NEXMIF: variants seen among roughly 807,000 people sequenced by gnomAD.
NEXMIF encodes XLMR protein related to neurite extension.
Under a neutral mutation model 62.1 loss-of-function variants are expected in NEXMIF, and 8 were observed. That is an observed-to-expected ratio of 0.13 (90% confidence interval 0.08 to 0.23). The LOEUF (loss-of-function observed/expected upper bound fraction) is 0.23, where lower values mean the gene tolerates loss of function less well. Among genes scored for constraint, NEXMIF ranks in the 10% least tolerant of loss-of-function variants. The pLI, the probability that NEXMIF is intolerant of heterozygous loss-of-function variation, is 1.00. For missense variants in NEXMIF, 976 were observed against 1,113.3 expected (o/e 0.88, Z 1.75); for synonymous variants, 404 against 416.6 (o/e 0.97, Z 0.37).
At chrX:74,893,873 T>A (rs181772011) in intron 1 of NEXMIF, among the ~76,000 whole-genome samples, 1 of 112,248 alleles carries the variant, frequency 8.9e-6, no homozygotes, top group African/African-American at 3.2e-5. Context: ...GGGAAGAGTA[T>A]GTTAATTCAA....
intron 1 of NEXMIF, among the ~76,000 whole-genome samples, chrX:74,899,153 G>A (rs2080741305): frequency 9.0e-6 from 1 of 111,289 alleles, no homozygotes; most frequent in Admixed American, 9.6e-5. Flanking sequence ...TACTTTCCTC[G>A]ACAATCAGGA....
At chrX:74,855,284 T>C (rs530174822) in intron 1 of NEXMIF, among the ~76,000 whole-genome samples, 1 of 112,248 alleles carries the variant, frequency 8.9e-6, no homozygotes, top group South Asian at 3.7e-4. Context: ...AACTGATTTC[T>C]ATGAAGGCAC....
chrX:74,855,066 C>T (rs958986696), intron 1 of NEXMIF, among the ~76,000 whole-genome samples: 33 of 111,134 alleles, frequency 3.0e-4, no homozygotes, highest in African/African-American at 1.0e-3. Context: ...GGAAAAAAAA[C>T]CCTAAAATTT....
At chrX:74,780,558 C>G (rs185261550) in intron 1 of NEXMIF, among the ~76,000 whole-genome samples, 1,238 of 105,906 alleles carry the variant, frequency 0.012, 66 homozygotes, top group Admixed American at 0.11. Context: ...TGTATTTTCT[C>G]TAGAGATGGG....
At chrX:74,824,413 GT>G (rs892935436) in intron 1 of NEXMIF, among the ~76,000 whole-genome samples, 1 of 111,462 alleles carries the variant, frequency 9.0e-6, no homozygotes, top group African/African-American at 3.3e-5. Flanking sequence ...ATAACTCCAG[GT>G]TCATCTATGT....
intron 1 of NEXMIF, among the ~76,000 whole-genome samples, chrX:74,878,033 G>T (rs2080644572): frequency 8.9e-6 from 1 of 112,114 alleles, no homozygotes; most frequent in South Asian, 3.7e-4. Context: ...TGCTGGTGAG[G>T]AACTGTGTTC....
In NEXMIF at chrX:74,743,138, G is replaced by C. The variant is rs2080113134; in HGVS notation, c.1419C>G (p.Ser473=). Reference sequence around the variant, plus strand: ...CTCGCAGCCCATAGTTCTGTTGGGAGGAGGAGCTGCCAGAATTAGTGTCCC... The same window carrying C: ...CTCGCAGCCCATAGTTCTGTTGGGACGAGGAGCTGCCAGAATTAGTGTCCC... ...MARDTNSGSS[S]SQQNYGLRAK... The change falls in exon 3 of 4, where the codon TCC becomes TCG. Residue 473 remains serine, a synonymous_variant. Transcript: ENST00000055682. 1 of 1,208,591 alleles carries C rather than the reference G, an allele frequency of 8.3e-7. No individual in the cohort carries two copies. Among genetic ancestry groups the C allele is most frequent in the Non-Finnish European group, 1.1e-6 (1 of 894,911 alleles).
chrX:74,878,417 C>T (rs776395753), intron 1 of NEXMIF, among the ~76,000 whole-genome samples: 9 of 112,460 alleles, frequency 8.0e-5, no homozygotes, highest in East Asian at 5.6e-4. Flanking sequence ...ACATTTAAGT[C>T]GGCAGAGGTT....
chrX:74,749,829 A>T (rs1183050933), intron 1 of NEXMIF, among the ~76,000 whole-genome samples: 2 of 111,199 alleles, frequency 1.8e-5, no homozygotes, highest in African/African-American at 6.5e-5. Context: ...AACACCCCCA[A>T]CTCCACAGGG....
intron 1 of NEXMIF, among the ~76,000 whole-genome samples, chrX:74,886,206 A>G (rs2080692379): frequency 8.9e-6 from 1 of 111,876 alleles, no homozygotes; most frequent in Admixed American, 9.5e-5. Context: ...TGAATGGACA[A>G]AAACTGGAAG....
intron 1 of NEXMIF, among the ~76,000 whole-genome samples, chrX:74,787,537 A>G (rs2080265060): frequency 9.0e-6 from 1 of 111,699 alleles, no homozygotes; most frequent in African/African-American, 3.3e-5. Flanking sequence ...ATTACAAACC[A>G]TTGCATGTGT....
At position 74,817,023 on chromosome X, in the gene NEXMIF, C is replaced by T. The variant is rs779683131; in HGVS notation, c.-47-71326G>A. Among the ~76,000 whole-genome samples the T allele has an allele frequency of 4.5e-5, 5 of 112,118 alleles. No individual in the cohort carries two copies. In the South Asian group the frequency reaches 1.1e-3, roughly 25 times the overall value. ...TATACTATTGATTCTTATTCATCCACTCACCCTATTTTGTCTTCGTTTGCA... is the reference window on the plus strand; with the variant it reads ...TATACTATTGATTCTTATTCATCCATTCACCCTATTTTGTCTTCGTTTGCA... On this transcript the variant is annotated intron_variant, in intron 1 of 3. Coordinates refer to ENST00000055682, the MANE Select transcript of NEXMIF (RefSeq NM_001008537.3).
intron 1 of NEXMIF, among the ~76,000 whole-genome samples, chrX:74,877,340 A>T (rs1457675020): frequency 8.9e-6 from 1 of 111,824 alleles, no homozygotes; most frequent in African/African-American, 3.3e-5. Flanking sequence ...TCTGGCTTGT[A>T]GAGTTTCTGC....
chrX:74,767,029 G>A (rs1301427855), intron 1 of NEXMIF, among the ~76,000 whole-genome samples: 1 of 112,262 alleles, frequency 8.9e-6, no homozygotes, highest in Non-Finnish European at 1.9e-5. Context: ...GTCCAGACCA[G>A]TCTTTAGTCC....
chrX:74,821,998 G>A (rs757962335), intron 1 of NEXMIF, among the ~76,000 whole-genome samples: 4 of 111,436 alleles, frequency 3.6e-5, no homozygotes, highest in Non-Finnish European at 5.6e-5. Context: ...AGATCCTTCC[G>A]CCTCGGCCTC....
At chrX:74,872,920 CTTA>C (rs2080608742) in intron 1 of NEXMIF, among the ~76,000 whole-genome samples, 1 of 108,735 alleles carries the variant, frequency 9.2e-6, no homozygotes, top group South Asian at 4.0e-4. Flanking sequence ...AGTGCAATGC[CTTA>C]TTTTTTTATT....
At chrX:74,798,422 C>A (rs1394645610) in intron 1 of NEXMIF, among the ~76,000 whole-genome samples, 1 of 112,303 alleles carries the variant, frequency 8.9e-6, no homozygotes, top group Non-Finnish European at 1.9e-5. Context: ...ATATGGCACA[C>A]AACCTGAGAA....
At chrX:74,827,508 C>A (rs1344978836) in intron 1 of NEXMIF, among the ~76,000 whole-genome samples, 1 of 112,325 alleles carries the variant, frequency 8.9e-6, no homozygotes, top group African/African-American at 3.2e-5. Context: ...TTCCTCTGAT[C>A]TACCATGATG....
At chrX:74,795,240 C>T (rs2080302639) in intron 1 of NEXMIF, among the ~76,000 whole-genome samples, 1 of 112,306 alleles carries the variant, frequency 8.9e-6, no homozygotes, top group Non-Finnish European at 1.9e-5. Flanking sequence ...GTGGATGTCT[C>T]TAGCAACTTT....
Sources: allele counts gnomAD v4.1 joint callset (sites outside exome capture counted in the v4.1 genomes callset), GRCh38; gene constraint gnomAD v4.1.1; transcripts MANE v1.5; gene names NCBI Gene and HGNC (gene_info 2026-07-23, HGNC 2026-07-21).